The following CORIN variants were observed in gnomAD, a reference collection of about 807,000 sequenced individuals.
The protein encoded by CORIN is atrial natriuretic peptide-converting enzyme.
A neutral mutation model predicts 125.3 loss-of-function variants in CORIN; 117 were observed. That is an observed-to-expected ratio of 0.93 (90% CI 0.80 to 1.09). The LOEUF (loss-of-function observed/expected upper bound fraction) is 1.09. Among genes scored for constraint, CORIN ranks in the 50% least tolerant of loss-of-function variants. CORIN has a pLI of 0.00. For synonymous variants in CORIN, 450 were observed against 466.4 expected, an observed-to-expected ratio of 0.96 and a Z score of 0.45; for missense variants, 1,253 against 1,306.7, an observed-to-expected ratio of 0.96 and a Z score of 0.63.
At chr4:47,749,620 A>G (rs536341443) in intron 4 of CORIN, among the ~76,000 whole-genome samples, 1 of 152,330 alleles carries the variant, frequency 6.6e-6, no homozygotes, top group South Asian at 2.1e-4. Flanking sequence ...TAGCAACTGT[A>G]TAATAATATA....
intron 5 of CORIN, among the ~76,000 whole-genome samples, chr4:47,729,998 C>A (rs1371958544): frequency 6.6e-6 from 1 of 152,112 alleles, no homozygotes; most frequent in African/African-American, 2.4e-5. Flanking sequence ...TGAGAGCCAC[C>A]TCCACCACTC....
rs77383819 is a variant in CORIN at position 47,756,386 on chromosome 4, A to G, written c.617+6993T>C. ...TTGAATCAAATGTAATCTGCCCCCA[A>G]ACTTTCAAGCGCATTCTCTGCAGTT... On this transcript the variant is annotated intron_variant, in intron 4 of 21. Coordinates refer to ENST00000273857, the MANE Select transcript of CORIN (RefSeq NM_006587.4). Among the ~76,000 whole-genome samples the G allele has an allele frequency of 3.0e-3, 456 of 152,330 alleles. 2 individuals are homozygous for G. Among genetic ancestry groups the G allele is most frequent in the African/African-American group, 9.7e-3 (402 of 41,570 alleles).
chr4:47,724,468 GT>G (rs1484672312), intron 5 of CORIN, among the ~76,000 whole-genome samples: 1 of 152,038 alleles, frequency 6.6e-6, no homozygotes, highest in Non-Finnish European at 1.5e-5. Context: ...CAGAAGAAAA[GT>G]TTGAAAATTT....
intron 5 of CORIN, among the ~76,000 whole-genome samples, chr4:47,737,468 C>G (rs28736660): frequency 0.047 from 7,112 of 152,262 alleles, 506 homozygotes; most frequent in African/African-American, 0.16. Flanking sequence ...CAGGAAGGAC[C>G]ACATCCAATG....
At chr4:47,626,275 A>G (rs766230591) in intron 17 of CORIN, 130 bp downstream of exon 17, 82 of 646,828 alleles carry the variant, frequency 1.3e-4, no homozygotes, top group Admixed American at 1.2e-3. Context: ...AGGCAATAGT[A>G]AATCTATGGA....
chr4:47,662,573 G>GA (rs915951268), intron 11 of CORIN, among the ~76,000 whole-genome samples: 4 of 150,640 alleles, frequency 2.7e-5, no homozygotes, highest in Admixed American at 6.6e-5. Flanking sequence ...ACTTCTTATG[G>GA]AAAAAAATAT....
chr4:47,729,713 G>C (rs112389579), intron 5 of CORIN, among the ~76,000 whole-genome samples: 15 of 152,076 alleles, frequency 9.9e-5, no homozygotes, highest in African/African-American at 3.6e-4. Flanking sequence ...AGGCATTTCT[G>C]TTTTCACACC....
intron 4 of CORIN, among the ~76,000 whole-genome samples, chr4:47,757,214 T>C (rs913322478): frequency 6.6e-6 from 1 of 152,168 alleles, no homozygotes; most frequent in Non-Finnish European, 1.5e-5. Flanking sequence ...ACTTTGCTTA[T>C]TAAATTTAGC....
chr4:47,692,917 G>A (rs1725831862), intron 6 of CORIN, 53 bp downstream of exon 6: 2 of 1,336,670 alleles, frequency 1.5e-6, no homozygotes, highest in Non-Finnish European at 2.2e-6. Context: ...ATGATTGTCA[G>A]GATTTGAGAA....
At chr4:47,692,778 C>T (rs1330184505) in intron 6 of CORIN, among the ~76,000 whole-genome samples, 192 bp downstream of exon 6, 1 of 152,206 alleles carries the variant, frequency 6.6e-6, no homozygotes, top group Non-Finnish European at 1.5e-5. Flanking sequence ...AATGCAGCCT[C>T]TACCTGTTGA....
intron 4 of CORIN, among the ~76,000 whole-genome samples, chr4:47,750,248 C>G (rs1370079781): frequency 6.6e-6 from 1 of 152,206 alleles, no homozygotes; most frequent in Non-Finnish European, 1.5e-5. Context: ...TCTTTGGTTT[C>G]TACTCCACTA....
intron 2 of CORIN, among the ~76,000 whole-genome samples, chr4:47,790,014 T>C (rs1731001395): frequency 6.6e-6 from 1 of 151,984 alleles, no homozygotes; most frequent in African/African-American, 2.4e-5. Context: ...AGAGCGAGAC[T>C]CCGTCTCAAA....
intron 2 of CORIN, among the ~76,000 whole-genome samples, chr4:47,802,531 G>A (rs1227031281): frequency 6.6e-6 from 1 of 152,196 alleles, no homozygotes; most frequent in Non-Finnish European, 1.5e-5. Context: ...CTTGGCCAAT[G>A]GAAATGGGAG....
intron 1 of CORIN, among the ~76,000 whole-genome samples, chr4:47,822,525 C>A (rs1301758352): frequency 6.6e-6 from 1 of 152,206 alleles, no homozygotes; most frequent in Non-Finnish European, 1.5e-5. Context: ...TAGTCTTCTT[C>A]AGTCTTCTCT....
At chr4:47,766,536 C>T (rs1729750825) in intron 3 of CORIN, among the ~76,000 whole-genome samples, 1 of 151,894 alleles carries the variant, frequency 6.6e-6, no homozygotes, top group Non-Finnish European at 1.5e-5. Context: ...TTGACATGTG[C>T]CCAGATAAAA....
At chr4:47,726,633 C>A (rs913417816) in intron 5 of CORIN, among the ~76,000 whole-genome samples, 1 of 151,980 alleles carries the variant, frequency 6.6e-6, no homozygotes, top group Non-Finnish European at 1.5e-5. Context: ...TTACAAATAT[C>A]TATGCATGTG....
intron 5 of CORIN, among the ~76,000 whole-genome samples, chr4:47,699,624 A>G (rs539143911): frequency 9.9e-5 from 15 of 152,272 alleles, no homozygotes; most frequent in Non-Finnish European, 2.1e-4. Flanking sequence ...AAATAAATGA[A>G]GACTGAGAAT....
At position 47,595,795 on chromosome 4, in the gene CORIN, C is replaced by T. The variant is rs749607630; in HGVS notation, c.3055G>A (p.Val1019Ile). 33 of 1,613,468 alleles carry T rather than the reference C, an allele frequency of 2.0e-5. No individual in the cohort carries two copies. Among genetic ancestry groups the T allele is most frequent in the Admixed American group, 1.3e-4 (8 of 59,924 alleles). The change falls in exon 22 of 22, where the codon GTT (valine) becomes ATT (isoleucine). Residue 1019 changes from valine (V) to isoleucine (I), a missense_variant. Val to Ile is a conservative substitution (Grantham distance 29). Transcript: ENST00000273857. Reference sequence around the variant, plus strand: ...ACGAAATATGACACATTACTATAAACGCCAGGCCCCAGGACTTTGGAAAAG... The same window carrying T: ...ACGAAATATGACACATTACTATAAATGCCAGGCCCCAGGACTTTGGAAAAG... Reference protein sequence around the residue: ...VCFSKVLGPGVYSNVSYFVEW... With the variant: ...VCFSKVLGPGIYSNVSYFVEW...
intron 5 of CORIN, among the ~76,000 whole-genome samples, chr4:47,711,075 A>G (rs1726818272): frequency 6.6e-6 from 1 of 152,160 alleles, no homozygotes; most frequent in Non-Finnish European, 1.5e-5. Context: ...AGTGGGATGA[A>G]AGCTTGAGAG....
Sources: gnomAD v4.1 joint callset for allele counts (sites outside exome capture counted in the v4.1 genomes callset) on GRCh38, gnomAD v4.1.1 for gene constraint, MANE v1.5 for transcripts, NCBI Gene and HGNC (gene_info 2026-07-23, HGNC 2026-07-21) for gene names.